Variants in LAMTOR3 observed in about 807,000 individuals in gnomAD.
LAMTOR3 encodes ragulator complex protein LAMTOR3.
LAMTOR3 carries 14 observed loss-of-function variants against 20.3 expected under a neutral mutation model. That is an observed-to-expected ratio of 0.69 (90% CI 0.46 to 1.08). The LOEUF (loss-of-function observed/expected upper bound fraction) is 1.08. LAMTOR3 is among the 50% of genes least tolerant of loss of function. The pLI is 0.00. For synonymous variants in LAMTOR3, 40 were observed against 49.4 expected, an observed-to-expected ratio of 0.81 and a Z score of 0.80; for missense variants, 125 against 143.7, an observed-to-expected ratio of 0.87 and a Z score of 0.67.
intron 3 of LAMTOR3, 31 bp downstream of exon 3, chr4:99,891,969 T>C: frequency 6.4e-7 from 1 of 1,562,630 alleles, no homozygotes. Context: ...GCATATAGAA[T>C]TTATTCAATA....
chr4:99,886,005 T>G (rs2110180747), intron 4 of LAMTOR3, among the ~76,000 whole-genome samples: 1 of 152,320 alleles, frequency 6.6e-6, no homozygotes, highest in South Asian at 2.1e-4. Context: ...TAGGCTAGAA[T>G]AAACTAATGA....
At chr4:99,893,153 A>G (rs901985351) in intron 2 of LAMTOR3, among the ~76,000 whole-genome samples, 9 of 152,110 alleles carry the variant, frequency 5.9e-5, no homozygotes, top group African/African-American at 2.2e-4. Flanking sequence ...AGCTGTGACT[A>G]CAGAGGTATC....
chr4:99,880,168 T>A lies in LAMTOR3; in HGVS notation c.*1826A>T, dbSNP rs1724797364. On this transcript the variant is annotated 3_prime_UTR_variant, in exon 7 of 7. Coordinates refer to ENST00000499666, the MANE Select transcript of LAMTOR3 (RefSeq NM_021970.4). ...GCCCCTAGTCTGTGGTTCTATACCA[T>A]CCTATGTATAGCTTTATCATAGCAC... 1 of 152,148 alleles carries A rather than the reference T, an allele frequency of 6.6e-6. No homozygotes were observed. Among genetic ancestry groups the A allele is most frequent in the Non-Finnish European group, 1.5e-5 (1 of 68,032 alleles). The allele number at this position is 152,148 out of a possible 1,614,324, so 9.4% of individuals were successfully genotyped here. A position where few individuals can be genotyped will look rare whatever the true frequency, so the allele number is the denominator to read the frequency against.
chr4:99,892,409 T>C (rs1725038740), intron 2 of LAMTOR3, among the ~76,000 whole-genome samples: 1 of 152,336 alleles, frequency 6.6e-6, no homozygotes, highest in South Asian at 2.1e-4. Flanking sequence ...TTGTGTTCAC[T>C]TGAGAAGACG....
intron 3 of LAMTOR3, among the ~76,000 whole-genome samples, chr4:99,889,394 T>C (rs988666558): frequency 1.2e-4 from 18 of 152,120 alleles, no homozygotes; most frequent in Non-Finnish European, 1.5e-5. Context: ...AGTTATGATA[T>C]ACACCTACAA....
chr4:99,886,615 C>A (rs551298192), intron 4 of LAMTOR3, among the ~76,000 whole-genome samples: 1 of 152,274 alleles, frequency 6.6e-6, no homozygotes, highest in South Asian at 2.1e-4. Context: ...GAAAGAACTA[C>A]ATTAGTTGAC....
rs1725087571 is a variant in LAMTOR3 at position 99,894,408 on chromosome 4, GC to G, written c.-112del. On this transcript the variant is annotated 5_prime_UTR_variant, in exon 1 of 7. It removes the in-frame stop codon of an upstream open reading frame in the 5' UTR. Coordinates refer to ENST00000499666, the MANE Select transcript of LAMTOR3 (RefSeq NM_021970.4). ...GCTTTAAAGACAGGTTCCTCCTCAA[GC>G]CACCGTCACATGATTCATGACCTCG... 1 of 157,734 alleles carries G rather than the reference GC, an allele frequency of 6.3e-6. No homozygotes were observed. The highest frequency in any genetic ancestry group is 6.5e-5 in the Admixed American group (1 of 15,420). The allele number at this position is 157,734 out of a possible 1,614,324, so 9.8% of individuals were successfully genotyped here.
intron 3 of LAMTOR3, 70 bp from the exon 4 acceptor site, chr4:99,887,424 AT>A (rs1434991117): frequency 3.6e-5 from 26 of 712,618 alleles, no homozygotes; most frequent in Non-Finnish European, 5.0e-5. Context: ...AAAATATAAA[AT>A]ATTTCATTTT....
At chr4:99,891,263 A>G (rs1357845404) in intron 3 of LAMTOR3, among the ~76,000 whole-genome samples, 1 of 152,198 alleles carries the variant, frequency 6.6e-6, no homozygotes, top group Non-Finnish European at 1.5e-5. Flanking sequence ...AGGTAACTAC[A>G]GAAAAACACA....
At chr4:99,887,103 T>G (rs555687594) in intron 4 of LAMTOR3, among the ~76,000 whole-genome samples, 193 bp downstream of exon 4, 36 of 152,184 alleles carry the variant, frequency 2.4e-4, no homozygotes, top group Non-Finnish European at 4.9e-4. Context: ...ATGATACATG[T>G]GATATATAAT....
Position 99,880,683 on chromosome 4 carries a change from T to G in LAMTOR3, c.*1311A>C, listed in dbSNP as rs1360015713. The G allele has an allele frequency of 5.3e-5, 8 of 152,108 alleles. No homozygotes were observed. The highest frequency in any genetic ancestry group is 1.2e-4 in the Non-Finnish European group (8 of 68,038). The allele number at this position is 152,108 out of a possible 1,614,324, so 9.4% of individuals were successfully genotyped here. A position where few individuals can be genotyped will look rare whatever the true frequency, so the allele number is the denominator to read the frequency against. On this transcript the variant is annotated 3_prime_UTR_variant, in exon 7 of 7. Transcript: ENST00000499666. ...ATTCTAGGGATAACAATCACACATA[T>G]TCTATGTGAAAGGCAACTCCCAGAG...
At chr4:99,889,586 C>T (rs758454465) in intron 3 of LAMTOR3, among the ~76,000 whole-genome samples, 1 of 152,090 alleles carries the variant, frequency 6.6e-6, no homozygotes, top group Non-Finnish European at 1.5e-5. Flanking sequence ...TGTATAAATA[C>T]GTGTATATAC....
At chr4:99,885,995 T>G (rs1316936940) in intron 4 of LAMTOR3, among the ~76,000 whole-genome samples, 2 of 152,248 alleles carry the variant, frequency 1.3e-5, no homozygotes, top group Non-Finnish European at 2.9e-5. Context: ...ATCTGAGGAC[T>G]AGGCTAGAAT....
Position 99,884,938 on chromosome 4 carries a change from A to T in LAMTOR3, c.237+604T>A, listed in dbSNP as rs555682664. 2.0e-5 allele frequency among the ~76,000 whole-genome samples: 3 copies of T among 152,142 alleles called. No individual in the cohort carries two copies. The South Asian group carries it at 6.2e-4, about 32-fold the overall frequency. On this transcript the variant is annotated intron_variant, in intron 5 of 6. Coordinates refer to ENST00000499666, the MANE Select transcript of LAMTOR3 (RefSeq NM_021970.4). Reference sequence around the variant, plus strand: ...TGAGATCATGCCACTGCACTCCAGCATGGGGCAACAGAGCCAGACTCTGTC... The same window carrying T: ...TGAGATCATGCCACTGCACTCCAGCTTGGGGCAACAGAGCCAGACTCTGTC...
intron 3 of LAMTOR3, among the ~76,000 whole-genome samples, chr4:99,891,343 G>A (rs1280795255): frequency 6.6e-6 from 1 of 152,152 alleles, no homozygotes; most frequent in African/African-American, 2.4e-5. Flanking sequence ...ACCACTCCCT[G>A]CAGAAGAGCA....
chr4:99,881,723 G>C lies in LAMTOR3; in HGVS notation c.*271C>G, dbSNP rs1220953076. On this transcript the variant is annotated 3_prime_UTR_variant, in exon 7 of 7. Transcript: ENST00000499666. Reference sequence around the variant, plus strand: ...TGAATAGAATCTCTCATCCATATCTGGTGACCAGACTAACTCCATGGGAGC... The same window carrying C: ...TGAATAGAATCTCTCATCCATATCTCGTGACCAGACTAACTCCATGGGAGC... 3 of 366,360 alleles carry C rather than the reference G, an allele frequency of 8.2e-6. No homozygotes were observed. The highest frequency in any genetic ancestry group is 6.5e-5 in the African/African-American group (3 of 46,344). The allele number at this position is 366,360 out of a possible 1,614,324, so 22.7% of individuals were successfully genotyped here. A position where few individuals can be genotyped will look rare whatever the true frequency, so the allele number is the denominator to read the frequency against.
Position 99,879,924 on chromosome 4 carries a change from A to C in LAMTOR3, c.*2070T>G, listed in dbSNP as rs1203466896. On this transcript the variant is annotated 3_prime_UTR_variant, in exon 7 of 7. Coordinates refer to ENST00000499666, the MANE Select transcript of LAMTOR3 (RefSeq NM_021970.4). ...CTACTACACACCTAGGCTATATGGT[A>C]TAGCCTACTACTACACACCTAGGCT... is the stretch of plus-strand genomic sequence containing the variant. 6.6e-6 allele frequency: 1 copy of C among 150,862 alleles called. No individual in the cohort carries two copies. The highest frequency in any genetic ancestry group is 2.1e-4 in the South Asian group (1 of 4,736). The allele number at this position is 150,862 out of a possible 1,614,324, so 9.3% of individuals were successfully genotyped here. A position where few individuals can be genotyped will look rare whatever the true frequency, so the allele number is the denominator to read the frequency against.
chr4:99,893,876 A>G, intron 2 of LAMTOR3, 79 bp downstream of exon 2: 1 of 1,168,182 alleles, frequency 8.6e-7, no homozygotes, highest in East Asian at 2.8e-5. Flanking sequence ...TCTGTTTGGG[A>G]AGTTCTACCT....
In LAMTOR3 at chr4:99,892,018, A is replaced by C; in HGVS notation, c.26T>G (p.Leu9Trp). 6.4e-7 allele frequency: 1 copy of C among 1,572,342 alleles called. No individual in the cohort carries two copies. Among genetic ancestry groups the C allele is most frequent in the Non-Finnish European group, 8.6e-7 (1 of 1,165,472 alleles). Residue 9 changes from leucine to tryptophan, a missense_variant, in exon 3 of 7, where the codon TTG (leucine) becomes TGG (tryptophan). Leu to Trp is a moderately conservative substitution (Grantham distance 61). Coordinates refer to ENST00000499666, the MANE Select transcript of LAMTOR3 (RefSeq NM_021970.4). ...TTCTTACCTTGGTAACTTTTTATAC[A>C]AGAATCGCTTTAGGTCCTGAAAGAG... Reference protein sequence around the residue: MADDLKRFLYKKLPSVEGL... With the variant: MADDLKRFWYKKLPSVEGL...
Sources: allele counts gnomAD v4.1 joint callset (sites outside exome capture counted in the v4.1 genomes callset), GRCh38; gene constraint gnomAD v4.1.1; transcripts MANE v1.5; gene names NCBI Gene and HGNC (gene_info 2026-07-23, HGNC 2026-07-21).